Variants in EXOC2 observed in about 807,000 individuals in gnomAD.
EXOC2 encodes the protein exocyst complex component 2.
Under a neutral mutation model 131.8 loss-of-function variants are expected in EXOC2, and 70 were observed. The ratio of observed to expected loss-of-function variants is 0.53; its 90% CI spans 0.44 to 0.65. EXOC2 has a LOEUF of 0.65. Among genes scored for constraint, EXOC2 ranks in the 30% least tolerant of loss-of-function variants. EXOC2 has a pLI of 0.00. For synonymous variants in EXOC2, 411 were observed against 398.4 expected, an observed-to-expected ratio of 1.03 and a Z score of -0.38; for missense variants, 923 against 1,108.6, an observed-to-expected ratio of 0.83 and a Z score of 2.38.
intron 23 of EXOC2, among the ~76,000 whole-genome samples, chr6:502,402 A>G (rs977637908): frequency 3.3e-5 from 5 of 152,150 alleles, no homozygotes; most frequent in African/African-American, 1.2e-4. Flanking sequence ...CAGAGTGCTG[A>G]CTAAAAAGCA....
chr6:627,489 C>T (rs930280896), intron 4 of EXOC2, among the ~76,000 whole-genome samples: 10 of 152,132 alleles, frequency 6.6e-5, no homozygotes, highest in East Asian at 1.9e-4. Context: ...CTACAGGATC[C>T]GCGCCTTTCT....
intron 9 of EXOC2, 132 bp from the exon 10 acceptor site, chr6:598,255 A>T: frequency 1.6e-6 from 1 of 638,838 alleles, no homozygotes; most frequent in Non-Finnish European, 2.7e-6. Flanking sequence ...GAGTGATCAG[A>T]ACACTATCTC....
At chr6:582,577 G>A (rs370007051) in intron 11 of EXOC2, among the ~76,000 whole-genome samples, 2 of 151,070 alleles carry the variant, frequency 1.3e-5, no homozygotes, top group African/African-American at 2.4e-5. Flanking sequence ...CAGGCAGGAT[G>A]GGATTCCTTT....
intron 25 of EXOC2, among the ~76,000 whole-genome samples, chr6:496,371 G>T (rs888162401): frequency 6.6e-6 from 1 of 152,168 alleles, no homozygotes; most frequent in Non-Finnish European, 1.5e-5. Context: ...GTTTGTTTTA[G>T]CAAGCAGTTA....
chr6:656,629 G>A (rs1289403644), intron 1 of EXOC2: 1 of 1,605,108 alleles, frequency 6.2e-7, no homozygotes, highest in Non-Finnish European at 8.5e-7. Flanking sequence ...CGGCGCTTGT[G>A]GGTCAGCTGC....
chr6:658,297 A>G (rs1763233325), intron 1 of EXOC2, among the ~76,000 whole-genome samples: 1 of 152,152 alleles, frequency 6.6e-6, no homozygotes, highest in Non-Finnish European at 1.5e-5. Flanking sequence ...TTATATTTCA[A>G]TATCGAATAG....
chr6:689,195 T>C (rs1764802885), intron 1 of EXOC2: 1 of 152,154 alleles, frequency 6.6e-6, no homozygotes, highest in Admixed American at 6.5e-5. Context: ...TTCGTTCCAT[T>C]ATTGGCACCA....
At chr6:651,838 A>G (rs926345138) in intron 1 of EXOC2, among the ~76,000 whole-genome samples, 13 of 151,944 alleles carry the variant, frequency 8.6e-5, no homozygotes, top group African/African-American at 3.1e-4. Context: ...CGGGCAGATC[A>G]TAAGGTCAGG....
intron 22 of EXOC2, among the ~76,000 whole-genome samples, chr6:539,525 T>C (rs1766681527): frequency 6.6e-6 from 1 of 152,230 alleles, no homozygotes; most frequent in Non-Finnish European, 1.5e-5. Context: ...CAATGGACAG[T>C]CCTGGAGAAG....
At position 658,666 on chromosome 6, in the gene EXOC2, T is replaced by TATATATATA. The variant is rs1554146211; in HGVS notation, c.-43-20806_-43-20805insTATATATAT. Among the ~76,000 whole-genome samples the TATATATATA allele has an allele frequency of 6.2e-3, 411 of 65,808 alleles. 2 individuals carry two copies. The highest frequency in any genetic ancestry group is 0.018 in the African/African-American group (382 of 21,626). 43.2% of individuals were successfully genotyped at this position (65,808 alleles called of 152,430 possible). A position where few individuals can be genotyped will look rare whatever the true frequency, so the allele number is the denominator to read the frequency against. The stretch of plus-strand genomic sequence containing the variant: ...TATTTTATATATATATATATATATA[T>TATATATATA]TTTTTTTTTTTTTAGACGAAGTCTT... On this transcript the variant is annotated intron_variant, in intron 1 of 27. Transcript: ENST00000230449.
intron 4 of EXOC2, among the ~76,000 whole-genome samples, chr6:621,286 T>C (rs1269671538): frequency 6.6e-6 from 1 of 152,182 alleles, no homozygotes; most frequent in Non-Finnish European, 1.5e-5. Flanking sequence ...GACGGTCACA[T>C]GCTCTGCATC....
intron 23 of EXOC2, chr6:524,774 A>G (rs954688148): frequency 6.6e-6 from 1 of 152,208 alleles, no homozygotes; most frequent in African/African-American, 2.4e-5. Context: ...TCTATATTTA[A>G]TCATCTTTTA....
At chr6:673,631 G>A (rs1393175043) in intron 1 of EXOC2, among the ~76,000 whole-genome samples, 2 of 152,122 alleles carry the variant, frequency 1.3e-5, no homozygotes, top group African/African-American at 2.4e-5. Flanking sequence ...GATGCCATCG[G>A]CAAGGAGGGG....
rs1764530414 is a variant in EXOC2 at position 684,015 on chromosome 6, TTAAAG to T, written c.-44+8999_-44+9003del. On this transcript the variant is annotated intron_variant, in intron 1 of 27. Transcript: ENST00000230449. ...GCACAATTCCGGCATCCGAAATAAA[TTAAAG>T]TAAACAGTGTTGCTCTCTCTCTCAT... Among the ~76,000 whole-genome samples the T allele has an allele frequency of 3.9e-5, 6 of 152,102 alleles. No individual in the cohort carries two copies. The South Asian group carries it at 8.3e-4, about 21-fold the overall frequency.
At chr6:611,410 A>G (rs915435732) in intron 6 of EXOC2, among the ~76,000 whole-genome samples, 2 of 152,238 alleles carry the variant, frequency 1.3e-5, no homozygotes, top group African/African-American at 4.8e-5. Context: ...CCTGCTCCAC[A>G]GGTTGCTTTC....
intron 17 of EXOC2, among the ~76,000 whole-genome samples, chr6:559,647 A>G (rs1250922699): frequency 6.6e-6 from 1 of 152,206 alleles, no homozygotes; most frequent in Non-Finnish European, 1.5e-5. Context: ...TGCACTACTT[A>G]AAGTTTAAAA....
intron 10 of EXOC2, 133 bp downstream of exon 10, chr6:597,888 T>C: frequency 1.6e-6 from 1 of 615,912 alleles, no homozygotes; most frequent in Non-Finnish European, 2.8e-6. Flanking sequence ...AACCCTAAAT[T>C]TCTGCTATTT....
chr6:504,243 C>T (rs1022698753), intron 23 of EXOC2, among the ~76,000 whole-genome samples: 8 of 152,198 alleles, frequency 5.3e-5, no homozygotes, highest in East Asian at 3.9e-4. Flanking sequence ...GGCTCGCCTG[C>T]GGCCTCGCAG....
At chr6:492,878 T>C (rs1002409859) in intron 25 of EXOC2, among the ~76,000 whole-genome samples, 1 of 152,216 alleles carries the variant, frequency 6.6e-6, no homozygotes, top group African/African-American at 2.4e-5. Flanking sequence ...GCATATTCTT[T>C]TTCTATTGTA....
Sources: gnomAD v4.1 joint callset for allele counts (sites outside exome capture counted in the v4.1 genomes callset) on GRCh38, gnomAD v4.1.1 for gene constraint, MANE v1.5 for transcripts, NCBI Gene and HGNC (gene_info 2026-07-23, HGNC 2026-07-21) for gene names.